Variants in SAMTOR observed in about 807,000 individuals in gnomAD.
SAMTOR encodes the protein UPF0532 protein C7orf60.
At chr7:112,937,958 AT>A in the SAMTOR span, among the ~76,000 whole-genome samples, 1 of 151,972 alleles carries the variant, frequency 6.6e-6, no homozygotes, top group Admixed American at 6.6e-5. Context: ...GAACCTATTC[AT>A]TTATGAATAA....
the SAMTOR span, among the ~76,000 whole-genome samples, chr7:112,858,508 A>G: frequency 3.3e-5 from 5 of 152,166 alleles, no homozygotes. Flanking sequence ...TATAATTTTT[A>G]AAATAAAAAT....
At chr7:112,902,462 C>CAAAAAAAAAAAAAAA in the SAMTOR span, among the ~76,000 whole-genome samples, 6 of 83,666 alleles carry the variant, frequency 7.2e-5, no homozygotes, top group South Asian at 4.2e-4. Context: ...AAAAAAAAAC[C>CAAAAAAAAAAAAAAA]AAAAAAGTTG....
chr7:112,848,475 A>C, the SAMTOR span, among the ~76,000 whole-genome samples: 1 of 152,196 alleles, frequency 6.6e-6, no homozygotes, highest in African/African-American at 2.4e-5. Flanking sequence ...ACACAAGTGT[A>C]AACAGTGCAA....
At chr7:112,937,471 A>C in the SAMTOR span, among the ~76,000 whole-genome samples, 2 of 152,160 alleles carry the variant, frequency 1.3e-5, no homozygotes, top group African/African-American at 4.8e-5. Flanking sequence ...CCATCAGCAC[A>C]ATACTAAGTC....
chr7:112,904,307 C>T, the SAMTOR span, among the ~76,000 whole-genome samples: 2 of 151,852 alleles, frequency 1.3e-5, no homozygotes, highest in Non-Finnish European at 2.9e-5. Context: ...TGAAGAAAAC[C>T]ATAGTAAAAA....
At chr7:112,830,117 C>T in the SAMTOR span, among the ~76,000 whole-genome samples, 2 of 152,052 alleles carry the variant, frequency 1.3e-5, no homozygotes, top group Non-Finnish European at 2.9e-5. Context: ...CACAGAATCA[C>T]CTGAACTCTG....
the SAMTOR span, among the ~76,000 whole-genome samples, chr7:112,855,570 G>T: frequency 6.6e-5 from 10 of 152,174 alleles, 1 homozygote; most frequent in South Asian, 2.1e-3. Flanking sequence ...CTGGCTGCTG[G>T]GAGTCATTCT....
the SAMTOR span, among the ~76,000 whole-genome samples, chr7:112,880,227 C>T: frequency 2.1e-3 from 321 of 152,224 alleles, 1 homozygote; most frequent in African/African-American, 7.4e-3. Flanking sequence ...TGATTTGAAC[C>T]TTATAATCAT....
the SAMTOR span, among the ~76,000 whole-genome samples, chr7:112,908,366 C>T: frequency 3.6e-4 from 55 of 152,256 alleles, no homozygotes; most frequent in Non-Finnish European, 7.6e-4. Context: ...CCTTCAGACT[C>T]GAAGTGGGTC....
At chr7:112,874,721 T>C in the SAMTOR span, among the ~76,000 whole-genome samples, 3 of 148,794 alleles carry the variant, frequency 2.0e-5, no homozygotes, top group African/African-American at 5.0e-5. Context: ...TTATCTGTCT[T>C]AATCTTGATG....
At chr7:112,904,199 T>C in the SAMTOR span, among the ~76,000 whole-genome samples, 1 of 152,168 alleles carries the variant, frequency 6.6e-6, no homozygotes, top group African/African-American at 2.4e-5. Flanking sequence ...AAAGTTTACC[T>C]TATTGCTAGA....
At chr7:112,916,818 C>G in the SAMTOR span, among the ~76,000 whole-genome samples, 1 of 152,212 alleles carries the variant, frequency 6.6e-6, no homozygotes, top group African/African-American at 2.4e-5. Flanking sequence ...GAGGGTCCTA[C>G]GCCCACAGAG....
chr7:112,862,263 G>T, the SAMTOR span, among the ~76,000 whole-genome samples: 4 of 152,108 alleles, frequency 2.6e-5, no homozygotes, highest in Middle Eastern at 0.01. Context: ...TTTGTTTTGA[G>T]ACAAACAAAA....
the SAMTOR span, among the ~76,000 whole-genome samples, chr7:112,828,985 A>G: frequency 6.6e-6 from 1 of 152,060 alleles, no homozygotes; most frequent in African/African-American, 2.4e-5. Context: ...TCCTTGGTGT[A>G]ATTTTCTTGA....
the SAMTOR span, among the ~76,000 whole-genome samples, chr7:112,931,305 C>CAA: frequency 1.6e-4 from 23 of 139,868 alleles, no homozygotes; most frequent in African/African-American, 5.5e-4. Flanking sequence ...ATTTAATTAA[C>CAA]AAAAAAAAAA....
At chr7:112,869,576 AC>A in the SAMTOR span, among the ~76,000 whole-genome samples, 16 of 152,018 alleles carry the variant, frequency 1.1e-4, no homozygotes, top group Middle Eastern at 3.4e-3. Flanking sequence ...AAAAAAAAAA[AC>A]CATCCCAATG....
chr7:112,830,022 C>T, the SAMTOR span, among the ~76,000 whole-genome samples: 2 of 151,912 alleles, frequency 1.3e-5, no homozygotes, highest in East Asian at 3.9e-4. Flanking sequence ...CCCTCTATGG[C>T]TTTCTTATTT....
the SAMTOR span, chr7:112,939,350 G>C: frequency 5.1e-6 from 3 of 587,892 alleles, 1 homozygote; most frequent in South Asian, 4.1e-5. Context: ...GAGGGGGTGG[G>C]GACTCAATTC....
the SAMTOR span, among the ~76,000 whole-genome samples, chr7:112,924,383 A>G: frequency 6.6e-6 from 1 of 152,196 alleles, no homozygotes; most frequent in Non-Finnish European, 1.5e-5. Context: ...AAATCTTTCC[A>G]TTAATCCCAG....
Sources: allele counts gnomAD v4.1 joint callset (sites outside exome capture counted in the v4.1 genomes callset), GRCh38; gene constraint gnomAD v4.1.1; transcripts MANE v1.5; gene names NCBI Gene and HGNC (gene_info 2026-07-23, HGNC 2026-07-21).